The following FANCB variants were observed in gnomAD, a reference collection of about 807,000 sequenced individuals.
FANCB encodes the protein FA complementation group B, also known as Fanconi anemia group B protein.
A neutral mutation model predicts 38.9 loss-of-function variants in FANCB; 5 were observed. That is an observed-to-expected ratio of 0.13 (90% CI 0.07 to 0.27). The LOEUF (loss-of-function observed/expected upper bound fraction) is 0.27. Among genes scored for constraint, FANCB ranks in the 10% least tolerant of loss-of-function variants. FANCB has a pLI of 1.00. For missense variants in FANCB, 573 were observed against 602.7 expected (o/e 0.95, Z 0.52); for synonymous variants, 236 against 215.4 (o/e 1.10, Z -0.84).
chrX:14,721,120 C>CA, the FANCB span, among the ~76,000 whole-genome samples: 1,369 of 71,637 alleles, frequency 0.019, 22 homozygotes, highest in African/African-American at 0.065. Flanking sequence ...GACCCTGTCT[C>CA]AAAAAAAAAA....
downstream of FANCB, among the ~76,000 whole-genome samples, chrX:14,839,853 G>C (rs886995506): frequency 9.2e-6 from 1 of 108,314 alleles, no homozygotes; most frequent in East Asian, 2.9e-4. Context: ...TGTTACAAGG[G>C]ATTTTTTTTT....
the FANCB span, among the ~76,000 whole-genome samples, chrX:14,691,349 C>G: frequency 5.7e-5 from 6 of 104,352 alleles, no homozygotes; most frequent in Non-Finnish European, 9.8e-5. Context: ...GTGTACATCA[C>G]TGATCTGATT....
the FANCB span, among the ~76,000 whole-genome samples, chrX:14,808,059 T>C: frequency 1.8e-5 from 2 of 111,172 alleles, no homozygotes; most frequent in Non-Finnish European, 3.8e-5. Context: ...AGTAACAATA[T>C]CAAAGCTGTA....
At chrX:14,840,388 C>T (rs1290336318), downstream of FANCB, among the ~76,000 whole-genome samples, 2 of 111,198 alleles carry the variant, frequency 1.8e-5, no homozygotes, top group Non-Finnish European at 3.8e-5. Flanking sequence ...TCTGATTAGA[C>T]CCAATTTAGG....
chrX:14,809,335 A>G, the FANCB span, among the ~76,000 whole-genome samples: 1 of 112,312 alleles, frequency 8.9e-6, no homozygotes, highest in South Asian at 3.7e-4. Context: ...GGTGCAGGAC[A>G]GTGGGTGCAG....
chrX:14,694,315 TTAAA>T, the FANCB span, among the ~76,000 whole-genome samples: 1 of 111,556 alleles, frequency 9.0e-6, no homozygotes, highest in Non-Finnish European at 1.9e-5. Flanking sequence ...TACTCACAGG[TTAAA>T]TATATATATT....
chrX:14,845,306 TGGTTTAATCTAAAA>T lies in FANCB; in HGVS notation c.1497-34_1497-21del. 1 of 1,144,622 alleles carries T rather than the reference TGGTTTAATCTAAAA, an allele frequency of 8.7e-7. No homozygotes were observed. The highest frequency in any genetic ancestry group is 1.2e-6 in the Non-Finnish European group (1 of 835,171). 94.3% of individuals were successfully genotyped at this position (1,144,622 alleles called of 1,213,427 possible). Reference sequence around the variant, plus strand: ...AGGGACCTGTAAAAAACCCAGACTTTGGTTTAATCTAAAAGCTCATTCTTTAAAATCAAATTGAT... The same window carrying T: ...AGGGACCTGTAAAAAACCCAGACTTTGCTCATTCTTTAAAATCAAATTGAT... On this transcript the variant is annotated intron_variant, in intron 7 of 9. Transcript: ENST00000650831.
the FANCB span, among the ~76,000 whole-genome samples, chrX:14,748,296 C>T: frequency 1.8e-5 from 2 of 111,989 alleles, no homozygotes; most frequent in Non-Finnish European, 3.8e-5. Flanking sequence ...AGTCCAGTAA[C>T]CTGTGAAAAA....
the FANCB span, among the ~76,000 whole-genome samples, chrX:14,716,664 A>G: frequency 9.0e-6 from 1 of 111,683 alleles, no homozygotes; most frequent in Non-Finnish European, 1.9e-5. Context: ...AGGGCTACAG[A>G]GTTAATTTTG....
At chrX:14,806,348 C>T in the FANCB span, among the ~76,000 whole-genome samples, 1 of 112,040 alleles carries the variant, frequency 8.9e-6, no homozygotes, top group African/African-American at 3.2e-5. Context: ...TTACATGGCT[C>T]GTCTTCACTG....
chrX:14,711,733 C>T, the FANCB span, among the ~76,000 whole-genome samples: 1 of 112,499 alleles, frequency 8.9e-6, no homozygotes, highest in East Asian at 2.8e-4. Flanking sequence ...GAGACTGAGG[C>T]ACGTAGTAAG....
At chrX:14,790,118 A>C in the FANCB span, among the ~76,000 whole-genome samples, 1 of 111,911 alleles carries the variant, frequency 8.9e-6, no homozygotes, top group Non-Finnish European at 1.9e-5. Flanking sequence ...TATACCAGTG[A>C]ATACAGCAGA....
chrX:14,697,497 C>G, the FANCB span, among the ~76,000 whole-genome samples: 12 of 111,744 alleles, frequency 1.1e-4, no homozygotes, highest in Non-Finnish European at 1.3e-4. Flanking sequence ...ACTATCCAGG[C>G]ATCTTTTCTT....
chrX:14,795,129 G>T, the FANCB span, among the ~76,000 whole-genome samples: 1 of 111,904 alleles, frequency 8.9e-6, no homozygotes, highest in African/African-American at 3.2e-5. Flanking sequence ...TAGCCAAATT[G>T]GTAGCTGACC....
chrX:14,825,982 CAA>C, the FANCB span, among the ~76,000 whole-genome samples: 1 of 112,079 alleles, frequency 8.9e-6, no homozygotes, highest in Non-Finnish European at 1.9e-5. Flanking sequence ...TTCTGTCCTT[CAA>C]AAGTTTTCAG....
At chrX:14,717,428 A>G in the FANCB span, among the ~76,000 whole-genome samples, 2 of 110,380 alleles carry the variant, frequency 1.8e-5, no homozygotes, top group Non-Finnish European at 3.8e-5. Flanking sequence ...TTTACCTCTC[A>G]TTGATCATTT....
chrX:14,767,299 C>T, the FANCB span, among the ~76,000 whole-genome samples: 5 of 111,977 alleles, frequency 4.5e-5, no homozygotes, highest in African/African-American at 1.6e-4. Flanking sequence ...AATTTACACT[C>T]CCACCAACAG....
chrX:14,749,796 T>A, the FANCB span, among the ~76,000 whole-genome samples: 2 of 111,746 alleles, frequency 1.8e-5, no homozygotes, highest in Non-Finnish European at 3.8e-5. Context: ...TCTCTGCATT[T>A]CATATATTGG....
chrX:14,766,755 C>T, the FANCB span, among the ~76,000 whole-genome samples: 1,323 of 110,086 alleles, frequency 0.012, 18 homozygotes, highest in Non-Finnish European at 0.019. Context: ...TAAACATGTG[C>T]CATGGTGGTT....
Sources: allele counts gnomAD v4.1 joint callset (sites outside exome capture counted in the v4.1 genomes callset), GRCh38; gene constraint gnomAD v4.1.1; transcripts MANE v1.5; gene names NCBI Gene and HGNC (gene_info 2026-07-23, HGNC 2026-07-21).